The following PIWIL2 variants were observed in gnomAD, a reference collection of about 807,000 sequenced individuals.
PIWIL2 encodes the protein piwi-like protein 2.
In PIWIL2, 81 loss-of-function variants were observed where a neutral mutation model predicts 116.5. The observed-to-expected ratio is 0.70, with a 90% confidence interval of 0.58 to 0.84. PIWIL2 has a LOEUF of 0.84. PIWIL2 is among the 40% of genes least tolerant of loss of function. PIWIL2 has a pLI of 0.00. For missense variants in PIWIL2, 1,272 were observed against 1,212.3 expected (o/e 1.05, Z -0.73); for synonymous variants, 489 against 429.5 (o/e 1.14, Z -1.71).
chr8:22,355,283 T>C, intron 22 of PIWIL2, 66 bp from the exon 23 acceptor site: 1 of 1,513,454 alleles, frequency 6.6e-7, no homozygotes, highest in Non-Finnish European at 9.2e-7. Context: ...GACTATTGTA[T>C]TGTATTGCAT....
chr8:22,281,531 C>A lies in PIWIL2; in HGVS notation c.425+16C>A. 1 of 1,545,670 alleles carries A rather than the reference C, an allele frequency of 6.5e-7. No individual in the cohort carries two copies. The highest frequency in any genetic ancestry group is 2.3e-5 in the East Asian group (1 of 43,010). Reference sequence around the variant, plus strand: ...GTTGGAGTAGGTGGGTAAAGTTACCCTCTCAGGTAACTATCAAATTCAGAT... The same window carrying A: ...GTTGGAGTAGGTGGGTAAAGTTACCATCTCAGGTAACTATCAAATTCAGAT... On this transcript the variant is annotated intron_variant, in intron 4 of 22. Coordinates refer to ENST00000356766, the MANE Select transcript of PIWIL2 (RefSeq NM_018068.5).
intron 14 of PIWIL2, among the ~76,000 whole-genome samples, chr8:22,308,534 T>C (rs1284583473): frequency 6.6e-6 from 1 of 151,998 alleles, no homozygotes; most frequent in East Asian, 1.9e-4. Context: ...GAGCCTGTAA[T>C]ACCAGCTACT....
At chr8:22,286,397 A>G (rs1830629391) in intron 6 of PIWIL2, among the ~76,000 whole-genome samples, 1 of 152,224 alleles carries the variant, frequency 6.6e-6, no homozygotes, top group Non-Finnish European at 1.5e-5. Flanking sequence ...GGAGCTGAGC[A>G]CATACAACAG....
intron 10 of PIWIL2, among the ~76,000 whole-genome samples, chr8:22,301,937 G>A (rs903138117): frequency 6.6e-6 from 1 of 152,090 alleles, no homozygotes; most frequent in South Asian, 2.1e-4. Flanking sequence ...TGTAGGTTCT[G>A]TGTTTCATTC....
At chr8:22,354,698 AAT>A (rs2132117702) in intron 22 of PIWIL2, among the ~76,000 whole-genome samples, 1 of 152,270 alleles carries the variant, frequency 6.6e-6, no homozygotes, top group South Asian at 2.1e-4. Flanking sequence ...AGATTATATA[AAT>A]ACTCCACTAG....
chr8:22,281,767 ATTT>A (rs1313870060), intron 4 of PIWIL2, among the ~76,000 whole-genome samples: 13 of 118,536 alleles, frequency 1.1e-4, no homozygotes, highest in African/African-American at 1.9e-4. Flanking sequence ...GATCATGGTG[ATTT>A]TTTTTTTTTT....
intron 20 of PIWIL2, among the ~76,000 whole-genome samples, chr8:22,334,626 T>C (rs1402990984): frequency 6.6e-6 from 1 of 152,016 alleles, no homozygotes; most frequent in East Asian, 1.9e-4. Context: ...TCCATGTTGG[T>C]CAGGCTGTTG....
At chr8:22,282,370 T>C (rs1270253228) in intron 4 of PIWIL2, among the ~76,000 whole-genome samples, 1 of 150,070 alleles carries the variant, frequency 6.7e-6, no homozygotes, top group Non-Finnish European at 1.5e-5. Context: ...GTATTTTTAG[T>C]AGAGACGGGG....
rs749448092 is a variant in PIWIL2 at position 22,288,644 on chromosome 8, T to C, written c.964T>C (p.Phe322Leu). The part of the protein sequence containing the change: ...LEPCSDLCIP[F>L]YNVVFRRVMK... ...GCCCTGCTCTGACCTGTGCATTCCC[T>C]TCTACAATGTTGTTTTCCGTCGGTA... The change falls in exon 8 of 23, where the codon TTC becomes CTC. Residue 322 changes from phenylalanine (F) to leucine (L), a missense_variant. Transcript: ENST00000356766. 3.7e-6 allele frequency: 6 copies of C among 1,610,464 alleles called. No individual in the cohort carries two copies. Among genetic ancestry groups the C allele is most frequent in the Non-Finnish European group, 5.1e-6 (6 of 1,178,442 alleles).
In PIWIL2 at chr8:22,332,926, A is replaced by G. The variant is rs897790251; in HGVS notation, c.2403+14651A>G. ...GTAACAATATAAGTGACCATTATGA[A>G]GGTAAATTTAAATCTATTCCATCTA... is the stretch of plus-strand genomic sequence containing the variant. On this transcript the variant is annotated intron_variant, in intron 20 of 22. Transcript: ENST00000356766. Among the ~76,000 whole-genome samples, 3 of 152,290 alleles carry G rather than the reference A, an allele frequency of 2.0e-5. No individual in the cohort carries two copies. In the South Asian group the frequency reaches 6.2e-4, roughly 32 times the overall value.
chr8:22,306,030 G>C lies in PIWIL2; in HGVS notation c.1545+14G>C. 2.5e-6 allele frequency: 4 copies of C among 1,586,722 alleles called. No individual in the cohort carries two copies. Among genetic ancestry groups the C allele is most frequent in the Non-Finnish European group, 2.6e-6 (3 of 1,155,142 alleles). On this transcript the variant is annotated intron_variant, in intron 13 of 22. Transcript: ENST00000356766. Reference sequence around the variant, plus strand: ...AGAGCCATGAAGGTTGGAGTCCTGTGTTTTCAGCCGGAAATGCCCACTTTG... The same window carrying C: ...AGAGCCATGAAGGTTGGAGTCCTGTCTTTTCAGCCGGAAATGCCCACTTTG...
rs1832473642 is a variant in PIWIL2 at position 22,355,663 on chromosome 8, A to G, written c.*158A>G. The G allele has an allele frequency of 7.3e-6, 5 of 682,702 alleles. No individual in the cohort carries two copies. The highest frequency in any genetic ancestry group is 1.2e-5 in the Non-Finnish European group (5 of 414,966). The allele number at this position is 682,702 out of a possible 1,614,324, so 42.3% of individuals were successfully genotyped here. A position where few individuals can be genotyped will look rare whatever the true frequency, so the allele number is the denominator to read the frequency against. ...GATTTCTTTCTTGTCTTTTAAACCT[A>G]ATATCACCAAGAAGCAAGTTTCTGA... On this transcript the variant is annotated 3_prime_UTR_variant, in exon 23 of 23. Transcript: ENST00000356766.
chr8:22,349,423 A>G lies in PIWIL2; in HGVS notation c.2404-3536A>G, dbSNP rs867447673. 2.9e-3 allele frequency among the ~76,000 whole-genome samples: 418 copies of G among 143,142 alleles called. 5 individuals are homozygous for G. The highest frequency in any genetic ancestry group is 0.01 in the African/African-American group (396 of 37,730). The allele number at this position is 143,142 out of a possible 152,430, so 93.9% of individuals were successfully genotyped here. ...GTGTACAATATATGTGTGTGTGTAT[A>G]TATATATATATATATATATATAAAT... On this transcript the variant is annotated intron_variant, in intron 20 of 22. Transcript: ENST00000356766.
Position 22,287,614 on chromosome 8 carries a change from C to A in PIWIL2, c.830C>A (p.Ser277Tyr). The A allele has an allele frequency of 6.2e-7, 1 of 1,610,746 alleles. No homozygotes were observed. The highest frequency in any genetic ancestry group is 8.5e-7 in the Non-Finnish European group (1 of 1,176,904). Residue 277 changes from serine to tyrosine, a missense_variant, in exon 7 of 23, where the codon TCT (serine) becomes TAT (tyrosine). Coordinates refer to ENST00000356766, the MANE Select transcript of PIWIL2 (RefSeq NM_018068.5). ...VTGNVTAFDG[S>Y]ILYLPVKLQQ... The stretch of plus-strand genomic sequence containing the variant: ...GGCAACGTCACTGCGTTTGATGGAT[C>A]TATTCTCTATCTGCCTGTTAAGCTT...
intron 20 of PIWIL2, among the ~76,000 whole-genome samples, chr8:22,324,261 C>A (rs1831673065): frequency 6.6e-6 from 1 of 151,348 alleles, no homozygotes; most frequent in Non-Finnish European, 1.5e-5. Context: ...GACTTTGTCT[C>A]AAAAAAAAGG....
intron 20 of PIWIL2, among the ~76,000 whole-genome samples, chr8:22,339,388 A>G (rs942411103): frequency 6.6e-6 from 1 of 152,020 alleles, no homozygotes; most frequent in African/African-American, 2.4e-5. Context: ...CGCGCCTGTA[A>G]TCCCAGCTAC....
At chr8:22,291,296 G>A (rs1458427056) in intron 10 of PIWIL2, among the ~76,000 whole-genome samples, 1 of 152,094 alleles carries the variant, frequency 6.6e-6, no homozygotes, top group African/African-American at 2.4e-5. Context: ...GACCACAGGT[G>A]CATGCCTCCA....
intron 13 of PIWIL2, among the ~76,000 whole-genome samples, chr8:22,307,277 C>T (rs1346787207): frequency 6.6e-6 from 1 of 152,056 alleles, no homozygotes; most frequent in Admixed American, 6.6e-5. Context: ...CTGTCTTGGC[C>T]TCCCAAAGTG....
chr8:22,290,096 C>A, intron 9 of PIWIL2, 137 bp from the exon 10 acceptor site: 1 of 703,634 alleles, frequency 1.4e-6, no homozygotes, highest in Non-Finnish European at 2.4e-6. Context: ...GCAATAATGT[C>A]AATTAACTTA....
Sources: gnomAD v4.1 joint callset for allele counts (sites outside exome capture counted in the v4.1 genomes callset) on GRCh38, gnomAD v4.1.1 for gene constraint, MANE v1.5 for transcripts, NCBI Gene and HGNC (gene_info 2026-07-23, HGNC 2026-07-21) for gene names.